Variants in UNC5B observed in about 807,000 individuals in gnomAD.
UNC5B encodes the protein netrin receptor UNC5B.
In UNC5B, 56 loss-of-function variants were observed where a neutral mutation model predicts 103.7. That is an observed-to-expected ratio of 0.54 (90% CI 0.44 to 0.67). The LOEUF is 0.67. Ranked by LOEUF, UNC5B falls within the 30% of genes least tolerant of loss-of-function variation. UNC5B has a pLI of 0.00. For missense variants in UNC5B, 1,194 were observed against 1,284.5 expected (o/e 0.93, Z 1.08); for synonymous variants, 577 against 542.0 (o/e 1.06, Z -0.90).
rs1386588499 is a variant in UNC5B, at chr10:71,279,825, T to A, written c.84T>A (p.Thr28=). 6 of 1,612,806 alleles carry A rather than the reference T, an allele frequency of 3.7e-6. No homozygotes were observed. Among genetic ancestry groups the A allele is most frequent in the Non-Finnish European group, 5.1e-6 (6 of 1,179,670 alleles). ...CWDPRLSQAG[T]DSGSEVLPDS... ...AGGTCTCCACTCACTCTGCAGGCACTGATTCTGGCAGCGAGGTGCTCCCTG... is the reference window on the plus strand; with the variant it reads ...AGGTCTCCACTCACTCTGCAGGCACAGATTCTGGCAGCGAGGTGCTCCCTG... The change falls in exon 2 of 17, where the codon ACT becomes ACA. Residue 28 remains threonine, a synonymous_variant. Coordinates refer to ENST00000335350, the MANE Select transcript of UNC5B (RefSeq NM_170744.5).
intron 13 of UNC5B, among the ~76,000 whole-genome samples, chr10:71,295,388 G>A (rs1463282260): frequency 2.0e-5 from 3 of 152,068 alleles, no homozygotes; most frequent in Non-Finnish European, 4.4e-5. Context: ...CTGTCTTTCT[G>A]TTCATCTGAC....
At position 71,293,486 on chromosome 10, in the gene UNC5B, C is replaced by T; in HGVS notation, c.1854C>T (p.Val618=). 1 of 1,614,140 alleles carries T rather than the reference C, an allele frequency of 6.2e-7. No individual in the cohort carries two copies. The highest frequency in any genetic ancestry group is 8.5e-7 in the Non-Finnish European group (1 of 1,180,028). The change falls in exon 12 of 17, where the codon GTC becomes GTT. Residue 618 remains valine (V), a synonymous_variant. Coordinates refer to ENST00000335350, the MANE Select transcript of UNC5B (RefSeq NM_170744.5). ...CAGGCCTCCTGCTGTGCCGCCCCGT[C>T]ATCCTCACCATGCCCCACTGTGCCG... ...GPTGLLLCRP[V]ILTMPHCAEV...
In UNC5B at chr10:71,213,679, A is replaced by C. The variant is rs1843275032; in HGVS notation, c.79+615A>C. On this transcript the variant is annotated intron_variant, in intron 1 of 16. Coordinates refer to ENST00000335350, the MANE Select transcript of UNC5B (RefSeq NM_170744.5). This position sits in a 1 kb window ranked among gnomAD's most constrained non-coding sequence, Gnocchi z 4.1. Reference sequence around the variant, plus strand: ...CTGGGCCCGCAGGTCTGGAAGAATTATTATTATTATTATTATTATTATTAT... The same window carrying C: ...CTGGGCCCGCAGGTCTGGAAGAATTCTTATTATTATTATTATTATTATTAT... Among the ~76,000 whole-genome samples the C allele has an allele frequency of 9.3e-6, 1 of 107,148 alleles. No individual in the cohort carries two copies. Among genetic ancestry groups the C allele is most frequent in the African/African-American group, 3.5e-5 (1 of 28,580 alleles). 70.3% of individuals were successfully genotyped at this position (107,148 alleles called of 152,430 possible).
At chr10:71,282,242 G>A (rs1419088671) in intron 2 of UNC5B, among the ~76,000 whole-genome samples, 2 of 147,896 alleles carry the variant, frequency 1.4e-5, no homozygotes, top group Admixed American at 6.6e-5. Context: ...TGAAAACACA[G>A]AAGAGGACAG....
chr10:71,213,057 C>T lies in UNC5B; in HGVS notation c.72C>T (p.Ser24=). 7.2e-7 allele frequency: 1 copy of T among 1,397,782 alleles called. No individual in the cohort carries two copies. The highest frequency in any genetic ancestry group is 9.4e-7 in the Non-Finnish European group (1 of 1,068,910). The allele number at this position is 1,397,782 out of a possible 1,614,324, so 86.6% of individuals were successfully genotyped here. A position where few individuals can be genotyped will look rare whatever the true frequency, so the allele number is the denominator to read the frequency against. The stretch of plus-strand genomic sequence containing the variant: ...TGCTCTGCTGGGACCCGAGGCTGAG[C>T]CAAGCAGGTAGGAAGCGATCGGGTC... ...ALLLCWDPRL[S]QAGTDSGSEV... Residue 24 remains serine, a synonymous_variant, in exon 1 of 17, where the codon AGC becomes AGT. Coordinates refer to ENST00000335350, the MANE Select transcript of UNC5B (RefSeq NM_170744.5). This position sits in a 1 kb window ranked among gnomAD's most constrained non-coding sequence, Gnocchi z 4.1.
intron 1 of UNC5B, among the ~76,000 whole-genome samples, chr10:71,250,055 A>C (rs141459702): frequency 5.3e-5 from 8 of 152,338 alleles, no homozygotes; most frequent in Admixed American, 2.0e-4. Flanking sequence ...GGAGACTGCC[A>C]TGACACCAGG....
At chr10:71,229,563 C>T (rs1204082902) in intron 1 of UNC5B, among the ~76,000 whole-genome samples, 2 of 152,202 alleles carry the variant, frequency 1.3e-5, no homozygotes, top group Admixed American at 1.3e-4. Flanking sequence ...AAGCCATCCA[C>T]CCTCCTTCCC....
intron 1 of UNC5B, among the ~76,000 whole-genome samples, chr10:71,273,903 G>C (rs1219939075): frequency 6.6e-6 from 1 of 152,226 alleles, no homozygotes; most frequent in African/African-American, 2.4e-5. Context: ...AAATGGGTGG[G>C]TGACATGAGG....
intron 1 of UNC5B, among the ~76,000 whole-genome samples, chr10:71,246,523 C>G (rs1353840741): frequency 6.6e-6 from 1 of 151,998 alleles, no homozygotes. Flanking sequence ...TATTCAATAT[C>G]TATTCACCAA....
chr10:71,236,802 C>A (rs1843784022), intron 1 of UNC5B, among the ~76,000 whole-genome samples: 1 of 152,224 alleles, frequency 6.6e-6, no homozygotes, highest in Admixed American at 6.5e-5. Context: ...GCCAGAGGGA[C>A]CCTGGTCCTG....
intron 1 of UNC5B, among the ~76,000 whole-genome samples, chr10:71,273,677 C>A (rs1400546704): frequency 6.6e-6 from 1 of 152,230 alleles, no homozygotes; most frequent in Non-Finnish European, 1.5e-5. Flanking sequence ...CAGACGGGCA[C>A]AGGGCCTGCT....
intron 1 of UNC5B, among the ~76,000 whole-genome samples, chr10:71,256,033 T>TG (rs1844283209): frequency 6.6e-6 from 1 of 152,216 alleles, no homozygotes; most frequent in East Asian, 1.9e-4. Context: ...TCAGTGATCC[T>TG]TCTGTGAACC....
chr10:71,264,296 C>T (rs1404535457), intron 1 of UNC5B, among the ~76,000 whole-genome samples: 2 of 152,236 alleles, frequency 1.3e-5, no homozygotes, highest in South Asian at 2.1e-4. Flanking sequence ...AACAAGAATG[C>T]CGCTTTTGTT....
intron 1 of UNC5B, among the ~76,000 whole-genome samples, chr10:71,260,179 C>A (rs1844384072): frequency 2.0e-5 from 3 of 152,248 alleles, no homozygotes; most frequent in Admixed American, 6.5e-5. Context: ...CTGCTTTTGC[C>A]AGCTGTCTCC....
chr10:71,220,190 A>G (rs190996040), intron 1 of UNC5B, among the ~76,000 whole-genome samples: 1 of 152,328 alleles, frequency 6.6e-6, no homozygotes, highest in East Asian at 1.9e-4. Context: ...CCCTGGAGGC[A>G]AAAGGCCTTC....
chr10:71,299,227 ATGG>A lies in UNC5B; in HGVS notation c.2789_2791del (p.Met930_Gly931delinsSer), dbSNP rs768390390. 31 of 1,614,198 alleles carry A rather than the reference ATGG, an allele frequency of 1.9e-5. No individual in the cohort carries two copies. Among genetic ancestry groups the A allele is most frequent in the Non-Finnish European group, 2.6e-5 (31 of 1,180,044 alleles). Reference sequence around the variant, plus strand: ...CAGCCTGGCGAGTGCCTTGGAGGAGATGGGCAAGAGTGAGATGCTGGTGGCTGT... The same window carrying A: ...CAGCCTGGCGAGTGCCTTGGAGGAGAGCAAGAGTGAGATGCTGGTGGCTGT... On this transcript the variant is annotated inframe_deletion, in exon 17 of 17. Transcript: ENST00000335350.
Position 71,213,968 on chromosome 10 carries a change from G to A in UNC5B, c.79+904G>A, listed in dbSNP as rs1380476535. On this transcript the variant is annotated intron_variant, in intron 1 of 16. Transcript: ENST00000335350. This position sits in a 1 kb window ranked among gnomAD's most constrained non-coding sequence, Gnocchi z 4.1. Reference sequence around the variant, plus strand: ...CTCGCCGTGGATGAATACGTTTCTCGCTCGTCCTGTAGCTGGACCCGGCGT... The same window carrying A: ...CTCGCCGTGGATGAATACGTTTCTCACTCGTCCTGTAGCTGGACCCGGCGT... Among the ~76,000 whole-genome samples the A allele has an allele frequency of 6.6e-6, 1 of 151,732 alleles. No individual in the cohort carries two copies. The highest frequency in any genetic ancestry group is 1.5e-5 in the Non-Finnish European group (1 of 67,938).
intron 1 of UNC5B, among the ~76,000 whole-genome samples, chr10:71,275,098 G>A (rs752286644): frequency 1.1e-4 from 17 of 152,212 alleles, no homozygotes; most frequent in Non-Finnish European, 1.6e-4. Flanking sequence ...TGCCTCCAGC[G>A]ATCTTTCGTG....
intron 1 of UNC5B, among the ~76,000 whole-genome samples, chr10:71,256,482 CA>C (rs754721002): frequency 6.6e-6 from 1 of 152,260 alleles, no homozygotes; most frequent in Non-Finnish European, 1.5e-5. Context: ...GCTCCAGTGA[CA>C]GGGGCAACCA....
Sources: allele counts gnomAD v4.1 joint callset (sites outside exome capture counted in the v4.1 genomes callset), GRCh38; gene constraint gnomAD v4.1.1; non-coding constraint Gnocchi (gnomAD v3.1); transcripts MANE v1.5; gene names NCBI Gene and HGNC (gene_info 2026-07-23, HGNC 2026-07-21).